Variants in INSYN2A observed in about 807,000 individuals in gnomAD.
INSYN2A encodes inhibitory synaptic factor 2A.
Under a neutral mutation model 39.4 loss-of-function variants are expected in INSYN2A, and 17 were observed. The observed-to-expected ratio is 0.43, with a 90% CI of 0.30 to 0.65. INSYN2A has a LOEUF of 0.65. Ranked by LOEUF, INSYN2A falls within the 30% of genes least tolerant of loss-of-function variation. The probability of loss-of-function intolerance (pLI) is 0.14; values close to 1 mark genes in which losing one functional copy is unlikely to be tolerated. For missense variants in INSYN2A, 595 were observed against 631.2 expected (o/e 0.94, Z 0.61); for synonymous variants, 255 against 265.7 (o/e 0.96, Z 0.39).
At chr10:127,192,461 G>A (rs1417381955) in intron 2 of INSYN2A, 144 bp downstream of exon 2, 1 of 152,222 alleles carries the variant, frequency 6.6e-6, no homozygotes, top group East Asian at 1.9e-4. Flanking sequence ...TGTCAGGTTA[G>A]AATGTTTTGT....
rs376169236 is a variant in INSYN2A at position 127,170,443 on chromosome 10, T to C, written c.1184+4769A>G. ...GCAGTGACAGATTCTGATCATGTGCTTGATATCCTCAAGTAAAGCTTCTCA... is the reference window on the plus strand; with the variant it reads ...GCAGTGACAGATTCTGATCATGTGCCTGATATCCTCAAGTAAAGCTTCTCA... On this transcript the variant is annotated intron_variant, in intron 4 of 5. Coordinates refer to ENST00000522781, the MANE Select transcript of INSYN2A (RefSeq NM_001039762.3). Among the ~76,000 whole-genome samples, 17 of 152,348 alleles carry C rather than the reference T, an allele frequency of 1.1e-4. No homozygotes were observed. In the South Asian group the frequency reaches 3.1e-3, roughly 28 times the overall value.
intron 4 of INSYN2A, among the ~76,000 whole-genome samples, chr10:127,173,566 T>C (rs2054783726): frequency 6.6e-6 from 1 of 152,220 alleles, no homozygotes; most frequent in South Asian, 2.1e-4. Context: ...GTGTACATAT[T>C]TCATTTTACA....
chr10:127,182,994 T>A (rs573874018), intron 2 of INSYN2A, among the ~76,000 whole-genome samples: 1 of 150,356 alleles, frequency 6.7e-6, no homozygotes, highest in South Asian at 2.1e-4. Context: ...TTAGTGGGAA[T>A]CTCACTCACA....
At chr10:127,171,306 A>G (rs1266846820) in intron 4 of INSYN2A, among the ~76,000 whole-genome samples, 1 of 152,266 alleles carries the variant, frequency 6.6e-6, no homozygotes, top group Non-Finnish European at 1.5e-5. Context: ...ACAGGGAAGC[A>G]CTTGCCTGAC....
intron 2 of INSYN2A, among the ~76,000 whole-genome samples, chr10:127,191,170 C>T (rs1237962946): frequency 6.6e-6 from 1 of 152,168 alleles, no homozygotes; most frequent in Non-Finnish European, 1.5e-5. Flanking sequence ...TCTCAAGCAT[C>T]ACCCACGAAG....
At chr10:127,168,792 C>T (rs907934826) in intron 4 of INSYN2A, among the ~76,000 whole-genome samples, 6 of 152,202 alleles carry the variant, frequency 3.9e-5, no homozygotes, top group South Asian at 2.1e-4. Context: ...CCCACACCTT[C>T]GTGATTCCTC....
In INSYN2A at chr10:127,175,511, G is replaced by A. The variant is rs200373232; in HGVS notation, c.885C>T (p.Asn295=). The part of the protein sequence containing the change: ...DDERRRATHL[N]GLQAPSETAL... The stretch of plus-strand genomic sequence containing the variant: ...CAGTTTCCGAGGGCGCCTGGAGCCC[G>A]TTGAGATGTGTGGCTCTCCTCCGCT... Residue 295 remains asparagine, a synonymous_variant, in exon 4 of 6, where the codon AAC becomes AAT. Coordinates refer to ENST00000522781, the MANE Select transcript of INSYN2A (RefSeq NM_001039762.3). The surrounding 1 kb of genome is among the most constrained non-coding windows in gnomAD (Gnocchi z 6.3). 1.1e-5 allele frequency: 17 copies of A among 1,609,026 alleles called. No individual in the cohort carries two copies. The highest frequency in any genetic ancestry group is 4.4e-5 in the South Asian group (4 of 91,080).
At chr10:127,184,866 C>T (rs2056082052) in intron 2 of INSYN2A, among the ~76,000 whole-genome samples, 2 of 152,164 alleles carry the variant, frequency 1.3e-5, no homozygotes, top group Non-Finnish European at 2.9e-5. Context: ...TACCTGTCAC[C>T]TTCATTTACT....
At position 127,176,487 on chromosome 10, in the gene INSYN2A, G is replaced by A. The variant is rs1379211929; in HGVS notation, c.-5-87C>T. ...CGCACAAACTTTTAGCCACCACGAC[G>A]ACTGCCTGTTTCCTAATTATATTTA... On this transcript the variant is annotated intron_variant, in intron 3 of 5. Coordinates refer to ENST00000522781, the MANE Select transcript of INSYN2A (RefSeq NM_001039762.3). This position sits in a 1 kb window ranked among gnomAD's most constrained non-coding sequence, Gnocchi z 4.4. The A allele has an allele frequency of 7.4e-6, 8 of 1,085,164 alleles. No homozygotes were observed. The highest frequency in any genetic ancestry group is 6.3e-5 in the African/African-American group (4 of 63,974). 67.2% of individuals were successfully genotyped at this position (1,085,164 alleles called of 1,614,324 possible). A position where few individuals can be genotyped will look rare whatever the true frequency, so the allele number is the denominator to read the frequency against.
At chr10:127,182,105 C>T (rs2055792225) in intron 2 of INSYN2A, among the ~76,000 whole-genome samples, 2 of 152,002 alleles carry the variant, frequency 1.3e-5, no homozygotes, top group African/African-American at 2.4e-5. Flanking sequence ...GGAGGAAACA[C>T]GGAGATGGCA....
intron 2 of INSYN2A, among the ~76,000 whole-genome samples, chr10:127,189,085 G>C (rs143409879): frequency 4.6e-5 from 7 of 152,294 alleles, no homozygotes; most frequent in African/African-American, 1.7e-4. Flanking sequence ...GCACACCTTG[G>C]GATGTGTTGT....
intron 2 of INSYN2A, among the ~76,000 whole-genome samples, chr10:127,186,829 G>T (rs887161239): frequency 6.6e-6 from 1 of 152,082 alleles, no homozygotes; most frequent in Non-Finnish European, 1.5e-5. Flanking sequence ...TAGGGGAACG[G>T]TGAGTCGAGA....
chr10:127,185,992 A>G (rs1013167620), intron 2 of INSYN2A, among the ~76,000 whole-genome samples: 1 of 152,200 alleles, frequency 6.6e-6, no homozygotes, highest in African/African-American at 2.4e-5. Flanking sequence ...AAGATATGGT[A>G]GTGGCAAAAT....
chr10:127,187,976 C>T (rs1054369054), intron 2 of INSYN2A, among the ~76,000 whole-genome samples: 6 of 152,158 alleles, frequency 3.9e-5, no homozygotes, highest in African/African-American at 1.4e-4. Context: ...TCTTCTATTT[C>T]CTGCTGTATC....
Position 127,176,046 on chromosome 10 carries a change from G to T in INSYN2A, c.350C>A (p.Thr117Lys), listed in dbSNP as rs117242435. 1 of 1,614,148 alleles carries T rather than the reference G, an allele frequency of 6.2e-7. No individual in the cohort carries two copies. The highest frequency in any genetic ancestry group is 1.7e-5 in the Admixed American group (1 of 60,026). ...CCCCTTTTTGCGGTCCAGAGGGAAC[G>T]TCTGGTAACACTTCTTAAGGTCGGG... is the stretch of plus-strand genomic sequence containing the variant. ...TSPDLKKCYQ[T>K]FPLDRKKGNL... Residue 117 changes from threonine to lysine, a missense_variant, in exon 4 of 6, where the codon ACG (threonine) becomes AAG (lysine). Around this residue, in one of 2 missense-constraint regions of INSYN2A, gnomAD observed 478 missense variants for 467.4 expected, o/e 1.02. Transcript: ENST00000522781. This position sits in a 1 kb window ranked among gnomAD's most constrained non-coding sequence, Gnocchi z 4.4.
At chr10:127,156,904 C>T (rs2053141676) in intron 4 of INSYN2A, among the ~76,000 whole-genome samples, 1 of 152,126 alleles carries the variant, frequency 6.6e-6, no homozygotes, top group African/African-American at 2.4e-5. Context: ...CCTGAAAAGA[C>T]TTTACTGCAG....
intron 4 of INSYN2A, among the ~76,000 whole-genome samples, chr10:127,156,007 T>A (rs2133563405): frequency 6.6e-6 from 1 of 152,342 alleles, no homozygotes; most frequent in East Asian, 1.9e-4. Context: ...CTATATGTGC[T>A]AGTCATATCC....
At chr10:127,183,926 T>C (rs1197709009) in intron 2 of INSYN2A, among the ~76,000 whole-genome samples, 1 of 152,198 alleles carries the variant, frequency 6.6e-6, no homozygotes, top group African/African-American at 2.4e-5. Flanking sequence ...CTGTGCATGA[T>C]AATAAGTAGC....
chr10:127,175,409 C>T lies in INSYN2A; in HGVS notation c.987G>A (p.Pro329=), dbSNP rs527749367. 7.9e-5 allele frequency: 128 copies of T among 1,613,542 alleles called. No individual in the cohort carries two copies. In the South Asian group the frequency reaches 9.6e-4, roughly 12 times the overall value. The change falls in exon 4 of 6, where the codon CCG becomes CCA. Residue 329 remains proline, a synonymous_variant. Coordinates refer to ENST00000522781, the MANE Select transcript of INSYN2A (RefSeq NM_001039762.3). This position sits in a 1 kb window ranked among gnomAD's most constrained non-coding sequence, Gnocchi z 6.3. The part of the protein sequence containing the change: ...SEQPSQTHTP[P]GLGNQPSPTA... The stretch of plus-strand genomic sequence containing the variant: ...TGGGACTAGGCTGGTTCCCCAGCCC[C>T]GGCGGGGTGTGAGTCTGCGACGGCT...
Sources: allele counts gnomAD v4.1 joint callset (sites outside exome capture counted in the v4.1 genomes callset), GRCh38; gene constraint gnomAD v4.1.1; regional missense constraint gnomAD v4.1.1; non-coding constraint Gnocchi (gnomAD v3.1); transcripts MANE v1.5; gene names NCBI Gene and HGNC (gene_info 2026-07-23, HGNC 2026-07-21).